The following AMBRA1 variants were observed in gnomAD, a reference collection of about 807,000 sequenced individuals.
AMBRA1 encodes the protein activating molecule in BECN1-regulated autophagy protein 1.
A neutral mutation model predicts 125.4 loss-of-function variants in AMBRA1; 47 were observed. That is an observed-to-expected ratio of 0.37 (90% CI 0.30 to 0.48). The LOEUF (loss-of-function observed/expected upper bound fraction) is 0.48, where lower values mean the gene tolerates loss of function less well. AMBRA1 is among the 20% of genes least tolerant of loss of function. The pLI is 0.99. For missense variants in AMBRA1, 1,331 were observed against 1,693.4 expected, an observed-to-expected ratio of 0.79 and a Z score of 3.76; for synonymous variants, 626 against 655.5, an observed-to-expected ratio of 0.95 and a Z score of 0.69.
At chr11:46,513,804 G>A (rs1951367046) in intron 7 of AMBRA1, among the ~76,000 whole-genome samples, 1 of 152,044 alleles carries the variant, frequency 6.6e-6, no homozygotes, top group South Asian at 2.1e-4. Flanking sequence ...AGTATTGCTG[G>A]CTTTTCCTAT....
rs551910651 is a variant in AMBRA1 at position 46,506,644 on chromosome 11, C to A, written c.2339+1547G>T. On this transcript the variant is annotated intron_variant, in intron 9 of 17. Transcript: ENST00000683756. ...GGGGAGGAAATGACTGACAGGCTGTCCTCTTTCACAAATGCCAGTGAAGAA... is the reference window on the plus strand; with the variant it reads ...GGGGAGGAAATGACTGACAGGCTGTACTCTTTCACAAATGCCAGTGAAGAA... 5.9e-5 allele frequency among the ~76,000 whole-genome samples: 9 copies of A among 152,282 alleles called. No individual in the cohort carries two copies. The East Asian group carries it at 1.5e-3, about 26-fold the overall frequency.
intron 17 of AMBRA1, among the ~76,000 whole-genome samples, chr11:46,399,967 T>C (rs1034903921): frequency 6.6e-6 from 1 of 152,110 alleles, no homozygotes; most frequent in African/African-American, 2.4e-5. Context: ...AAAAAATCCC[T>C]AACATCTACC....
At chr11:46,545,181 T>G (rs1287032995) in intron 5 of AMBRA1, among the ~76,000 whole-genome samples, 2,511 of 36,872 alleles carry the variant, frequency 0.068, no homozygotes, top group South Asian at 0.099. Flanking sequence ...GGGGTGGTGG[T>G]GGGCATGGTG....
intron 8 of AMBRA1, among the ~76,000 whole-genome samples, chr11:46,512,521 A>G (rs745693773): frequency 6.6e-6 from 1 of 152,132 alleles, no homozygotes; most frequent in Non-Finnish European, 1.5e-5. Context: ...AAAGGACAAG[A>G]GCTTGGTCAT....
chr11:46,478,872 G>A (rs947086546), intron 11 of AMBRA1, among the ~76,000 whole-genome samples: 2 of 151,950 alleles, frequency 1.3e-5, no homozygotes, highest in Non-Finnish European at 2.9e-5. Flanking sequence ...GTATGCTGAA[G>A]CTTTCCTCAG....
At chr11:46,450,070 A>AAC (rs1565171629) in intron 11 of AMBRA1, among the ~76,000 whole-genome samples, 2 of 152,064 alleles carry the variant, frequency 1.3e-5, no homozygotes, top group Admixed American at 6.5e-5. Context: ...AAAAAAAAAA[A>AAC]AAACAACTAA....
chr11:46,467,550 T>A (rs1250851347), intron 11 of AMBRA1, among the ~76,000 whole-genome samples: 4 of 137,192 alleles, frequency 2.9e-5, no homozygotes, highest in Admixed American at 7.2e-5. Context: ...TATGTTACTC[T>A]TTTTTTTTTT....
intron 1 of AMBRA1, among the ~76,000 whole-genome samples, chr11:46,567,138 C>A (rs2043561414): frequency 6.6e-6 from 1 of 152,188 alleles, no homozygotes; most frequent in Non-Finnish European, 1.5e-5. Flanking sequence ...GTGGTCCCAT[C>A]TCGACTTACT....
At chr11:46,525,916 A>C (rs1022521732) in intron 7 of AMBRA1, among the ~76,000 whole-genome samples, 1 of 152,032 alleles carries the variant, frequency 6.6e-6, no homozygotes, top group Non-Finnish European at 1.5e-5. Flanking sequence ...TGTCTCAAAA[A>C]AGAAATAGGC....
At chr11:46,425,310 T>TTGTGTGTGTGTGTGTG (rs34321655) in intron 14 of AMBRA1, among the ~76,000 whole-genome samples, 124 of 135,590 alleles carry the variant, frequency 9.1e-4, no homozygotes, top group Middle Eastern at 3.7e-3. Context: ...CTTGATCCAT[T>TTGTGTGTGTGTGTGTG]TGTGTGTGTG....
rs138850964 is a variant in AMBRA1, at chr11:46,446,710, C to T, written c.2522-3112G>A. ...AACCAAAAATGTCTCCAGACACTGC[C>T]GAATGTCCTCTGGGGATAAAAATCA... On this transcript the variant is annotated intron_variant, in intron 11 of 17. Coordinates refer to ENST00000683756, the MANE Select transcript of AMBRA1 (RefSeq NM_001387011.1). Among the ~76,000 whole-genome samples the T allele has an allele frequency of 4.3e-3, 657 of 152,288 alleles. 3 individuals carry two copies. Among genetic ancestry groups the T allele is most frequent in the African/African-American group, 0.015 (612 of 41,558 alleles).
chr11:46,418,249 T>C (rs2136650148), intron 14 of AMBRA1, among the ~76,000 whole-genome samples, 197 bp from the exon 15 acceptor site: 1 of 144,418 alleles, frequency 6.9e-6, no homozygotes, highest in South Asian at 2.1e-4. Context: ...ATATATAATA[T>C]ATATTTTATT....
intron 7 of AMBRA1, among the ~76,000 whole-genome samples, chr11:46,522,086 A>C (rs1352739004): frequency 6.6e-6 from 1 of 152,238 alleles, no homozygotes; most frequent in African/African-American, 2.4e-5. Context: ...AAAAGGGAAG[A>C]GGCTAGAAAC....
chr11:46,552,062 ATAAAT>A (rs781697688), intron 1 of AMBRA1, among the ~76,000 whole-genome samples: 64 of 150,608 alleles, frequency 4.2e-4, no homozygotes, highest in Non-Finnish European at 8.7e-4. Context: ...AATCAAAAAA[ATAAAT>A]TAAATTAAAT....
chr11:46,593,673 C>T (rs967524945), intron 1 of AMBRA1, among the ~76,000 whole-genome samples, 155 bp downstream of exon 1: 1 of 152,216 alleles, frequency 6.6e-6, no homozygotes, highest in African/African-American at 2.4e-5. Context: ...TTCCGGGCTG[C>T]CCCTCCGGCC....
chr11:46,572,784 G>A (rs1287051126), intron 1 of AMBRA1, among the ~76,000 whole-genome samples: 1 of 152,054 alleles, frequency 6.6e-6, no homozygotes, highest in Non-Finnish European at 1.5e-5. Flanking sequence ...TACATTTGTG[G>A]TCACCAGATT....
chr11:46,544,082 G>T, intron 5 of AMBRA1, 41 bp from the exon 6 acceptor site: 1 of 1,516,988 alleles, frequency 6.6e-7, no homozygotes, highest in Non-Finnish European at 9.1e-7. Flanking sequence ...CACATAGAGA[G>T]ATTATGTTAA....
Position 46,542,569 on chromosome 11 carries a change from C to T in AMBRA1, c.1448G>A (p.Gly483Glu). 1 of 1,613,528 alleles carries T rather than the reference C, an allele frequency of 6.2e-7. No individual in the cohort carries two copies. Among genetic ancestry groups the T allele is most frequent in the African/African-American group, 1.3e-5 (1 of 75,066 alleles). The change falls in exon 7 of 18, where the codon GGA (glycine) becomes GAA (glutamate). Residue 483 changes from glycine to glutamate, a missense_variant. By Grantham distance (98) the Gly-to-Glu change is moderately conservative. Transcript: ENST00000683756. This position sits in a 1 kb window ranked among gnomAD's most constrained non-coding sequence, Gnocchi z 5.9. ...PASGLATESD[G>E]GNGSSQNNSG... Reference sequence around the variant, plus strand: ...GTTGTTTTGGCTGGAGCCATTCCCTCCATCTGACTCAGTTGCCAACCCTGA... The same window carrying T: ...GTTGTTTTGGCTGGAGCCATTCCCTTCATCTGACTCAGTTGCCAACCCTGA...
chr11:46,476,478 T>C (rs1044178724), intron 11 of AMBRA1, among the ~76,000 whole-genome samples: 4 of 152,048 alleles, frequency 2.6e-5, no homozygotes, highest in East Asian at 3.9e-4. Context: ...TTCTATCCCA[T>C]AGGACCTTCA....
Sources: allele counts gnomAD v4.1 joint callset (sites outside exome capture counted in the v4.1 genomes callset), GRCh38; gene constraint gnomAD v4.1.1; non-coding constraint Gnocchi (gnomAD v3.1); transcripts MANE v1.5; gene names NCBI Gene and HGNC (gene_info 2026-07-23, HGNC 2026-07-21).